YTHDC2: variants seen among roughly 807,000 people sequenced by gnomAD.
The protein encoded by YTHDC2 is YTH N6-methyladenosine RNA binding protein C2.
A neutral mutation model predicts 174.9 loss-of-function variants in YTHDC2; 45 were observed. That is an observed-to-expected ratio of 0.26 (90% CI 0.20 to 0.33). The LOEUF is 0.33. Ranked by LOEUF, YTHDC2 falls within the 10% of genes least tolerant of loss-of-function variation. The pLI is 1.00. For synonymous variants in YTHDC2, 657 were observed against 574.5 expected (o/e 1.14, Z -2.05); for missense variants, 1,650 against 1,723.7 (o/e 0.96, Z 0.76).
intron 26 of YTHDC2, among the ~76,000 whole-genome samples, chr5:113,587,619 T>G (rs1013673088): frequency 6.8e-5 from 10 of 146,642 alleles, no homozygotes; most frequent in African/African-American, 1.2e-4. Context: ...ATTATATATA[T>G]ATTTGCCAGT....
chr5:113,565,785 A>G (rs1777292573), intron 20 of YTHDC2, 108 bp from the exon 21 acceptor site: 1 of 1,150,806 alleles, frequency 8.7e-7, no homozygotes, highest in African/African-American at 1.6e-5. Flanking sequence ...AATTAGAATA[A>G]GGCAAATTCA....
rs1400464819 is a variant in YTHDC2 at position 113,544,545 on chromosome 5, A to G, written c.1495+2042A>G. On this transcript the variant is annotated intron_variant, in intron 10 of 29. Coordinates refer to ENST00000161863, the MANE Select transcript of YTHDC2 (RefSeq NM_022828.5). ...TTCACTACCTTTCTTTTGAATTTGA[A>G]TTGTTTTAGTAGTTAACTTTTTAGT... is the stretch of plus-strand genomic sequence containing the variant. 2.0e-5 allele frequency among the ~76,000 whole-genome samples: 3 copies of G among 152,140 alleles called. No homozygotes were observed. The East Asian group carries it at 5.8e-4, about 29-fold the overall frequency.
chr5:113,567,839 A>C lies in YTHDC2; in HGVS notation c.3234A>C (p.Ser1078=), dbSNP rs57601831. ...CAAGTAATGCTCTTCAGGAACCTTC[A>C]TCCTTTAGAGGTAAATGTATTAAGG... ...RLASNALQEP[S]SFRVDGIPND... Residue 1078 remains serine (S), a synonymous_variant, in exon 23 of 30, where the codon TCA becomes TCC. Coordinates refer to ENST00000161863, the MANE Select transcript of YTHDC2 (RefSeq NM_022828.5). The C allele has an allele frequency of 2.6e-5, 41 of 1,553,918 alleles. No homozygotes were observed. In the South Asian group the frequency reaches 4.9e-4, roughly 19 times the overall value.
intron 2 of YTHDC2, among the ~76,000 whole-genome samples, chr5:113,520,287 C>T (rs1773775941): frequency 6.6e-6 from 1 of 151,436 alleles, no homozygotes; most frequent in African/African-American, 2.4e-5. Flanking sequence ...TCAGTTTTTC[C>T]TGGAGAATCA....
In YTHDC2 at chr5:113,584,413, G is replaced by A. The variant is rs745875867; in HGVS notation, c.3759G>A (p.Leu1253=). ...AGGACCGATCAGATCAGTCTTCTCT[G>A]AAATCTACAGACAGCAGTAGTTACC... The part of the protein sequence containing the change: ...GTEDRSDQSS[L]KSTDSSSYPS... Residue 1253 remains leucine, a synonymous_variant, in exon 26 of 30, where the codon CTG becomes CTA. Transcript: ENST00000161863. The A allele has an allele frequency of 1.9e-6, 3 of 1,613,848 alleles. No individual in the cohort carries two copies. The highest frequency in any genetic ancestry group is 1.1e-5 in the South Asian group (1 of 91,048).
intron 23 of YTHDC2, among the ~76,000 whole-genome samples, chr5:113,572,676 A>G (rs1777807320): frequency 6.6e-6 from 1 of 152,260 alleles, no homozygotes; most frequent in South Asian, 2.1e-4. Context: ...TATATTTAGG[A>G]TCATGAGTTC....
chr5:113,593,478 C>A lies in YTHDC2; in HGVS notation c.*8-4C>A. 1 of 1,073,848 alleles carries A rather than the reference C, an allele frequency of 9.3e-7. No individual in the cohort carries two copies. The highest frequency in any genetic ancestry group is 1.6e-5 in the African/African-American group (1 of 62,576). The allele number at this position is 1,073,848 out of a possible 1,614,324, so 66.5% of individuals were successfully genotyped here. On this transcript the variant is annotated splice_region_variant and splice_polypyrimidine_tract_variant and intron_variant, in intron 29 of 29. Coordinates refer to ENST00000161863, the MANE Select transcript of YTHDC2 (RefSeq NM_022828.5). ...TTTATCTTTTTTTTTCCCCTTTCTTCTAGAACTCTTAGCTGTGGAAGAACA... is the reference window on the plus strand; with the variant it reads ...TTTATCTTTTTTTTTCCCCTTTCTTATAGAACTCTTAGCTGTGGAAGAACA...
Position 113,553,528 on chromosome 5 carries a change from AT to A in YTHDC2, c.1868-60del, listed in dbSNP as rs2112672940. 3 of 1,557,158 alleles carry A rather than the reference AT, an allele frequency of 1.9e-6. No individual in the cohort carries two copies. In the South Asian group the frequency reaches 3.4e-5, roughly 18 times the overall value. On this transcript the variant is annotated intron_variant, in intron 13 of 29. Coordinates refer to ENST00000161863, the MANE Select transcript of YTHDC2 (RefSeq NM_022828.5). ...AAAACATGTGATACAGATTTTTATA[AT>A]TCTGTTGATTGCCTCTGATTCACAA...
intron 20 of YTHDC2, 120 bp downstream of exon 20, chr5:113,564,251 T>G: frequency 8.9e-7 from 1 of 1,122,058 alleles, no homozygotes; most frequent in Non-Finnish European, 1.2e-6. Context: ...TGTTTCATTA[T>G]GAAGTCACAT....
At chr5:113,579,859 G>A (rs1398151207) in intron 24 of YTHDC2, 164 bp downstream of exon 24, 97 of 985,084 alleles carry the variant, frequency 9.8e-5, no homozygotes, top group Non-Finnish European at 1.2e-4. Context: ...TTCTGTATTG[G>A]GGTTTATTCC....
intron 10 of YTHDC2, among the ~76,000 whole-genome samples, chr5:113,545,207 A>G (rs957650829): frequency 2.0e-5 from 3 of 152,148 alleles, no homozygotes; most frequent in Admixed American, 1.3e-4. Flanking sequence ...GACTAGGTCA[A>G]TATTTGGGTG....
chr5:113,559,251 C>T (rs1477243422), intron 17 of YTHDC2, among the ~76,000 whole-genome samples: 1 of 152,096 alleles, frequency 6.6e-6, no homozygotes, highest in Non-Finnish European at 1.5e-5. Context: ...AAAAATTATG[C>T]ATGGAGTTCA....
chr5:113,574,053 G>C (rs1777889529), intron 23 of YTHDC2, among the ~76,000 whole-genome samples: 1 of 152,144 alleles, frequency 6.6e-6, no homozygotes, highest in Non-Finnish European at 1.5e-5. Context: ...CTGGCTTTTT[G>C]AGTTTTCAGC....
chr5:113,526,549 G>T, intron 3 of YTHDC2, 37 bp from the exon 4 acceptor site: 2 of 1,516,198 alleles, frequency 1.3e-6, no homozygotes, highest in South Asian at 2.6e-5. Context: ...TTTCCGTGTT[G>T]ATCATACATT....
At chr5:113,542,577 A>C in intron 10 of YTHDC2, 74 bp downstream of exon 10, 1 of 1,379,894 alleles carries the variant, frequency 7.2e-7, no homozygotes, top group Non-Finnish European at 9.7e-7. Context: ...TTCAAAACGT[A>C]TGTACTACCA....
chr5:113,579,811 C>T (rs1189366996), intron 24 of YTHDC2, 116 bp downstream of exon 24: 2 of 1,305,102 alleles, frequency 1.5e-6, no homozygotes, highest in African/African-American at 3.1e-5. Context: ...GAGAATATAA[C>T]TTGTTTTTCA....
At chr5:113,582,089 A>G (rs1427085225) in intron 25 of YTHDC2, 2 of 154,256 alleles carry the variant, frequency 1.3e-5, no homozygotes, top group African/African-American at 4.8e-5. Flanking sequence ...GGCTATGGCC[A>G]TTTAAAAGAA....
intron 5 of YTHDC2, 136 bp downstream of exon 5, chr5:113,533,181 A>G (rs6594733): frequency 0.23 from 205,959 of 906,270 alleles, 28,215 homozygotes; most frequent in African/African-American, 0.54. Flanking sequence ...TCAAGATATT[A>G]AAGTCATGTC....
At chr5:113,533,160 G>T in intron 5 of YTHDC2, 115 bp downstream of exon 5, 1 of 1,168,828 alleles carries the variant, frequency 8.6e-7, no homozygotes, top group Non-Finnish European at 1.2e-6. Flanking sequence ...TTTGCTCCAA[G>T]TAAGTCTACA....
Sources: gnomAD v4.1 joint callset for allele counts (sites outside exome capture counted in the v4.1 genomes callset) on GRCh38, gnomAD v4.1.1 for gene constraint, MANE v1.5 for transcripts, NCBI Gene and HGNC (gene_info 2026-07-23, HGNC 2026-07-21) for gene names.